The following FHOD3 variants were observed in gnomAD, a reference collection of about 807,000 sequenced individuals.
FHOD3 encodes the protein formin homology 2 domain containing 3, also known as FH1/FH2 domain-containing protein 3.
FHOD3 carries 90 observed loss-of-function variants against 173.0 expected under a neutral mutation model. The ratio of observed to expected loss-of-function variants is 0.52; its 90% CI spans 0.44 to 0.62. The LOEUF (loss-of-function observed/expected upper bound fraction) is 0.62. Ranked by LOEUF, FHOD3 falls within the 20% of genes least tolerant of loss-of-function variation. The pLI is 0.00. For missense variants in FHOD3, 1,945 were observed against 2,034.7 expected (o/e 0.96, Z 0.85); for synonymous variants, 828 against 823.0 (o/e 1.01, Z -0.10).
At chr18:36,733,027 G>A (rs1385801553) in intron 20 of FHOD3, among the ~76,000 whole-genome samples, 1 of 152,200 alleles carries the variant, frequency 6.6e-6, no homozygotes, top group African/African-American at 2.4e-5. Flanking sequence ...AATACCACTA[G>A]AGGGAAATTA....
intron 3 of FHOD3, among the ~76,000 whole-genome samples, chr18:36,495,307 T>C (rs984383636): frequency 6.6e-6 from 1 of 152,074 alleles, no homozygotes; most frequent in Non-Finnish European, 1.5e-5. Context: ...GCTCAGCACC[T>C]TTTTTTCCTT....
At chr18:36,369,759 A>G (rs1352263415) in intron 2 of FHOD3, among the ~76,000 whole-genome samples, 7 of 152,012 alleles carry the variant, frequency 4.6e-5, no homozygotes, top group Non-Finnish European at 1.0e-4. Flanking sequence ...TTAGATTTTC[A>G]GTGTGTCTTT....
intron 7 of FHOD3, among the ~76,000 whole-genome samples, chr18:36,598,159 A>G (rs3859359): frequency 0.26 from 38,812 of 152,008 alleles, 5,316 homozygotes; most frequent in East Asian, 0.37. Flanking sequence ...GCACAAGTTT[A>G]TAAATCATAA....
chr18:36,546,063 C>A (rs920560959), intron 5 of FHOD3, among the ~76,000 whole-genome samples: 1 of 152,180 alleles, frequency 6.6e-6, no homozygotes, highest in Non-Finnish European at 1.5e-5. Flanking sequence ...CCAAGGCAGG[C>A]TTTTCCTCAT....
intron 14 of FHOD3, among the ~76,000 whole-genome samples, chr18:36,669,354 A>G (rs1366431324): frequency 5.3e-5 from 8 of 151,896 alleles, no homozygotes; most frequent in Admixed American, 1.3e-4. Flanking sequence ...TGTAGGCAAT[A>G]TAGTGTTGAA....
chr18:36,393,620 C>T (rs571815912), intron 3 of FHOD3, among the ~76,000 whole-genome samples: 8 of 152,292 alleles, frequency 5.3e-5, no homozygotes, highest in Admixed American at 1.3e-4. Context: ...TATTGGGCTA[C>T]ACAAAGGCAA....
chr18:36,317,651 A>G (rs1473762944), intron 1 of FHOD3, among the ~76,000 whole-genome samples: 1 of 152,198 alleles, frequency 6.6e-6, no homozygotes, highest in African/African-American at 2.4e-5. Context: ...GATAGATTGC[A>G]AAAATTTTCT....
At chr18:36,757,179 T>C (rs1300558531) in intron 25 of FHOD3, among the ~76,000 whole-genome samples, 1 of 152,206 alleles carries the variant, frequency 6.6e-6, no homozygotes, top group Non-Finnish European at 1.5e-5. Context: ...GGTGAATGTT[T>C]CTAGAGTTTG....
intron 4 of FHOD3, among the ~76,000 whole-genome samples, chr18:36,504,414 A>G (rs967254919): frequency 6.6e-6 from 1 of 152,198 alleles, no homozygotes; most frequent in Non-Finnish European, 1.5e-5. Flanking sequence ...ATGCAGCCAT[A>G]AAAAATGATG....
At chr18:36,387,808 G>C (rs570511192) in intron 3 of FHOD3, among the ~76,000 whole-genome samples, 1 of 152,066 alleles carries the variant, frequency 6.6e-6, no homozygotes, top group East Asian at 1.9e-4. Flanking sequence ...TAGTGCTACC[G>C]TGTGCTGTCA....
intron 7 of FHOD3, among the ~76,000 whole-genome samples, chr18:36,595,192 C>T (rs1051940308): frequency 1.6e-4 from 24 of 152,182 alleles, no homozygotes; most frequent in Admixed American, 1.6e-3. Flanking sequence ...GCTCCTCCTC[C>T]TGTTCTTCCT....
chr18:36,505,469 A>G lies in FHOD3; in HGVS notation c.405+3470A>G, dbSNP rs117982317. ...CATGAAGCTAAAAATGAAGATCTCA[A>G]TTGTGTATAGAGTGGATCCATCAGT... On this transcript the variant is annotated intron_variant, in intron 4 of 28. Transcript: ENST00000590592. Among the ~76,000 whole-genome samples, 1,472 of 152,330 alleles carry G rather than the reference A, an allele frequency of 9.7e-3. 13 individuals are homozygous for G. The highest frequency in any genetic ancestry group is 0.014 in the Non-Finnish European group (967 of 68,028).
At chr18:36,519,258 A>G (rs2056148968) in intron 5 of FHOD3, among the ~76,000 whole-genome samples, 1 of 152,168 alleles carries the variant, frequency 6.6e-6, no homozygotes, top group African/African-American at 2.4e-5. Flanking sequence ...AGGCCACAGG[A>G]TACTGTGTCC....
At chr18:36,543,479 T>G (rs1195849896) in intron 5 of FHOD3, among the ~76,000 whole-genome samples, 1 of 152,188 alleles carries the variant, frequency 6.6e-6, no homozygotes, top group African/African-American at 2.4e-5. Context: ...ATATGTCCCC[T>G]TCTTTTGTCC....
intron 28 of FHOD3, among the ~76,000 whole-genome samples, chr18:36,771,680 C>T (rs1298594040): frequency 2.6e-5 from 4 of 152,194 alleles, no homozygotes; most frequent in African/African-American, 9.7e-5. Flanking sequence ...GGAACCTGCG[C>T]ACCAGTTAAC....
chr18:36,325,595 C>T (rs2044629554), intron 1 of FHOD3, among the ~76,000 whole-genome samples: 1 of 152,172 alleles, frequency 6.6e-6, no homozygotes, highest in South Asian at 2.1e-4. Flanking sequence ...ACTAGAGCTC[C>T]ACCATCTTGC....
At chr18:36,405,167 G>C (rs2048999963) in intron 3 of FHOD3, among the ~76,000 whole-genome samples, 1 of 152,220 alleles carries the variant, frequency 6.6e-6, no homozygotes, top group Admixed American at 6.5e-5. Context: ...AAATGGACAT[G>C]TGGCTGAAAG....
rs1298673710 is a variant in FHOD3 at position 36,779,593 on chromosome 18, C to A, written c.*63C>A. On this transcript the variant is annotated 3_prime_UTR_variant, in exon 29 of 29. Transcript: ENST00000590592. ...GGCAAGCTCTTGCTGGATGAAACCC[C>A]TCCAGGTGGGGTTGGGGAGACTTGA... is the stretch of plus-strand genomic sequence containing the variant. The A allele has an allele frequency of 1.4e-6, 2 of 1,469,128 alleles. No individual in the cohort carries two copies. The highest frequency in any genetic ancestry group is 1.9e-6 in the Non-Finnish European group (2 of 1,050,100). The allele number at this position is 1,469,128 out of a possible 1,614,324, so 91.0% of individuals were successfully genotyped here.
chr18:36,622,926 G>A (rs889723438), intron 9 of FHOD3, among the ~76,000 whole-genome samples: 2 of 152,140 alleles, frequency 1.3e-5, no homozygotes, highest in Non-Finnish European at 2.9e-5. Flanking sequence ...TGAGTGAACA[G>A]CAGCCTCCAA....
Sources: gnomAD v4.1 joint callset for allele counts (sites outside exome capture counted in the v4.1 genomes callset) on GRCh38, gnomAD v4.1.1 for gene constraint, MANE v1.5 for transcripts, NCBI Gene and HGNC (gene_info 2026-07-23, HGNC 2026-07-21) for gene names.